Variants in CNTNAP2 observed in about 807,000 individuals in gnomAD.
CNTNAP2 encodes contactin associated protein 2.
In CNTNAP2, 98 loss-of-function variants were observed where a neutral mutation model predicts 155.2. That is an observed-to-expected ratio of 0.63 (90% CI 0.54 to 0.75). The LOEUF is 0.75. CNTNAP2 is among the 30% of genes least tolerant of loss of function. CNTNAP2 has a pLI of 0.00. For missense variants in CNTNAP2, 1,727 were observed against 1,688.1 expected, an observed-to-expected ratio of 1.02 and a Z score of -0.40; for synonymous variants, 651 against 631.2, an observed-to-expected ratio of 1.03 and a Z score of -0.47.
intron 13 of CNTNAP2, among the ~76,000 whole-genome samples, chr7:147,702,029 AG>A (rs1455629645): frequency 6.7e-6 from 1 of 149,858 alleles, no homozygotes; most frequent in Non-Finnish European, 1.5e-5. Flanking sequence ...GTTCTTAACC[AG>A]GAGACCATCA....
At chr7:147,467,742 A>G (rs1317972877) in intron 10 of CNTNAP2, among the ~76,000 whole-genome samples, 1 of 152,228 alleles carries the variant, frequency 6.6e-6, no homozygotes, top group Non-Finnish European at 1.5e-5. Flanking sequence ...TTAAGAAAGA[A>G]CAGCTGTGGC....
intron 11 of CNTNAP2, among the ~76,000 whole-genome samples, chr7:147,491,295 T>C (rs1305656005): frequency 1.3e-5 from 2 of 152,030 alleles, no homozygotes; most frequent in African/African-American, 4.8e-5. Flanking sequence ...TGCACTCTCA[T>C]ACCCTTGCCC....
At chr7:147,286,420 A>T (rs978776909) in intron 8 of CNTNAP2, among the ~76,000 whole-genome samples, 1 of 152,128 alleles carries the variant, frequency 6.6e-6, no homozygotes, top group Admixed American at 6.6e-5. Context: ...TATTTAATTT[A>T]AAAAATTAAC....
chr7:146,481,686 A>G (rs191244839), intron 1 of CNTNAP2, among the ~76,000 whole-genome samples: 2 of 152,330 alleles, frequency 1.3e-5, no homozygotes, highest in Admixed American at 6.5e-5. Flanking sequence ...CAGATTTATG[A>G]AATTAATTAT....
intron 1 of CNTNAP2, among the ~76,000 whole-genome samples, chr7:146,322,788 T>C (rs1801029223): frequency 6.6e-6 from 1 of 151,822 alleles, no homozygotes; most frequent in Admixed American, 6.6e-5. Flanking sequence ...GTTAATGACA[T>C]TGAGGCCAAA....
rs187612623 is a variant in CNTNAP2 at position 148,394,965 on chromosome 7, C to T, written c.3715+11077C>T. On this transcript the variant is annotated intron_variant, in intron 22 of 23. Coordinates refer to ENST00000361727, the MANE Select transcript of CNTNAP2 (RefSeq NM_014141.6). ...ATCTGTCTAATTAGATTTTCTTTCT[C>T]ATCTAGGATAATACCCGTTATTTTA... is the stretch of plus-strand genomic sequence containing the variant. Among the ~76,000 whole-genome samples the T allele has an allele frequency of 2.8e-3, 421 of 152,348 alleles. 1 individual carries two copies. The highest frequency in any genetic ancestry group is 4.9e-3 in the Non-Finnish European group (331 of 68,032).
intron 1 of CNTNAP2, among the ~76,000 whole-genome samples, chr7:146,584,606 A>T (rs916299777): frequency 6.6e-6 from 1 of 152,168 alleles, no homozygotes; most frequent in East Asian, 1.9e-4. Context: ...CTCGCACTAC[A>T]TCATTCATCA....
intron 10 of CNTNAP2, among the ~76,000 whole-genome samples, chr7:147,448,777 A>G (rs1797783888): frequency 6.6e-6 from 1 of 151,784 alleles, no homozygotes; most frequent in Non-Finnish European, 1.5e-5. Flanking sequence ...TTATAAAAAT[A>G]AAGTTAAATT....
chr7:146,777,983 A>G (rs1176811401), intron 2 of CNTNAP2, among the ~76,000 whole-genome samples: 1 of 152,154 alleles, frequency 6.6e-6, no homozygotes, highest in African/African-American at 2.4e-5. Context: ...GAAAAAATAT[A>G]TGAACATTAT....
rs976502804 is a variant in CNTNAP2, at chr7:147,994,057, C to T, written c.2383+16068C>T. ...ACATGCAGATATACTTACGTATGCA[C>T]ACATGCAGGTATGCTTAGAATTTAG... On this transcript the variant is annotated intron_variant, in intron 15 of 23. Transcript: ENST00000361727. Among the ~76,000 whole-genome samples the T allele has an allele frequency of 2.6e-5, 4 of 152,250 alleles. No individual in the cohort carries two copies. In the East Asian group the frequency reaches 7.7e-4, roughly 29 times the overall value.
intron 1 of CNTNAP2, among the ~76,000 whole-genome samples, chr7:146,718,961 G>T (rs73168714): frequency 0.034 from 5,193 of 152,084 alleles, 132 homozygotes; most frequent in East Asian, 0.12. Context: ...TGTCCAATAC[G>T]CTAACTGAAA....
chr7:148,000,552 C>G (rs567885318), intron 15 of CNTNAP2, among the ~76,000 whole-genome samples: 52 of 152,222 alleles, frequency 3.4e-4, no homozygotes, highest in Middle Eastern at 3.4e-3. Context: ...CTCCAAGTGA[C>G]ACAGTGAATG....
At chr7:147,363,191 C>G (rs1796173056) in intron 9 of CNTNAP2, among the ~76,000 whole-genome samples, 1 of 152,066 alleles carries the variant, frequency 6.6e-6, no homozygotes, top group Admixed American at 6.5e-5. Context: ...ATTAGCACTC[C>G]TATAAAAAGA....
chr7:147,917,067 T>A (rs1180460971), intron 14 of CNTNAP2, among the ~76,000 whole-genome samples: 3 of 152,208 alleles, frequency 2.0e-5, no homozygotes, highest in Non-Finnish European at 4.4e-5. Flanking sequence ...ATCTAAGCAA[T>A]GGTATTGCAA....
chr7:147,434,836 T>A (rs1490837722), intron 10 of CNTNAP2, among the ~76,000 whole-genome samples: 1 of 152,230 alleles, frequency 6.6e-6, no homozygotes, highest in African/African-American at 2.4e-5. Context: ...CAGACTATGC[T>A]GCCCAGACTC....
intron 10 of CNTNAP2, among the ~76,000 whole-genome samples, chr7:147,446,379 T>G (rs1260918926): frequency 6.6e-6 from 1 of 152,224 alleles, no homozygotes; most frequent in African/African-American, 2.4e-5. Context: ...TGCTTTTAGC[T>G]GGGAGAGTCC....
At chr7:146,235,554 G>A (rs1316525762) in intron 1 of CNTNAP2, among the ~76,000 whole-genome samples, 1 of 152,276 alleles carries the variant, frequency 6.6e-6, no homozygotes, top group Middle Eastern at 3.4e-3. Flanking sequence ...GGGAAACTGA[G>A]AACCCTTAGA....
intron 1 of CNTNAP2, among the ~76,000 whole-genome samples, chr7:146,138,696 G>A (rs1362954897): frequency 1.3e-5 from 2 of 151,920 alleles, no homozygotes; most frequent in South Asian, 2.1e-4. Flanking sequence ...GTGTGTGTAG[G>A]CAGATTTTAT....
chr7:146,623,655 G>A (rs1051679802), intron 1 of CNTNAP2, among the ~76,000 whole-genome samples: 1 of 152,080 alleles, frequency 6.6e-6, no homozygotes, highest in Non-Finnish European at 1.5e-5. Flanking sequence ...TTCACCTACT[G>A]ACATTTTGGT....
Sources: gnomAD v4.1 joint callset for allele counts (sites outside exome capture counted in the v4.1 genomes callset) on GRCh38, gnomAD v4.1.1 for gene constraint, MANE v1.5 for transcripts, NCBI Gene and HGNC (gene_info 2026-07-23, HGNC 2026-07-21) for gene names.